PRKN: variants seen among roughly 807,000 people sequenced by gnomAD.
PRKN encodes parkin RBR E3 ubiquitin protein ligase.
In PRKN, 56 loss-of-function variants were observed where a neutral mutation model predicts 59.5. The observed-to-expected ratio is 0.94, with a 90% CI of 0.76 to 1.18. PRKN has a LOEUF of 1.18. Ranked by LOEUF, PRKN falls within the 50% of genes most tolerant of loss-of-function variation. PRKN has a pLI of 0.00. For missense variants in PRKN, 657 were observed against 596.4 expected (o/e 1.10, Z -1.06); for synonymous variants, 250 against 222.1 (o/e 1.13, Z -1.12).
chr6:161,379,799 A>C lies in PRKN; in HGVS notation c.1167+6995T>G, dbSNP rs1785889245. 6.6e-6 allele frequency among the ~76,000 whole-genome samples: 1 copy of C among 152,198 alleles called. No homozygotes were observed. Among genetic ancestry groups the C allele is most frequent in the Admixed American group, 6.5e-5 (1 of 15,278 alleles). The stretch of plus-strand genomic sequence containing the variant: ...GTTCAGCCTTCCTTCAAACTGCTTC[A>C]TGCGATTCCCCACAGCATCCTCCAG... On this transcript the variant is annotated intron_variant, in intron 10 of 11. Transcript: ENST00000366898. The surrounding 1 kb of genome is among the most constrained non-coding windows in gnomAD (Gnocchi z 4.9).
chr6:161,798,501 A>G (rs1473418302), intron 6 of PRKN, among the ~76,000 whole-genome samples: 1 of 152,184 alleles, frequency 6.6e-6, no homozygotes, highest in Admixed American at 6.5e-5. Flanking sequence ...ATATGATCAC[A>G]ACATTTCTTT....
intron 6 of PRKN, among the ~76,000 whole-genome samples, chr6:161,793,524 G>A (rs138313644): frequency 1.3e-5 from 2 of 151,230 alleles, no homozygotes; most frequent in East Asian, 1.9e-4. Context: ...ACAGTGGACC[G>A]GCCACTAGAT....
At chr6:161,524,124 C>T (rs1778935280) in intron 9 of PRKN, among the ~76,000 whole-genome samples, 1 of 151,946 alleles carries the variant, frequency 6.6e-6, no homozygotes, top group African/African-American at 2.4e-5. Flanking sequence ...AAAATAATAC[C>T]AGCTTTCTGT....
At chr6:162,614,994 C>T (rs908418240) in intron 1 of PRKN, among the ~76,000 whole-genome samples, 1 of 152,156 alleles carries the variant, frequency 6.6e-6, no homozygotes, top group Non-Finnish European at 1.5e-5. Flanking sequence ...CACCAATTAA[C>T]AGGTGATTGG....
At position 161,482,012 on chromosome 6, in the gene PRKN, G is replaced by C. The variant is rs567104594; in HGVS notation, c.1083+66842C>G. Among the ~76,000 whole-genome samples, 7 of 137,284 alleles carry C rather than the reference G, an allele frequency of 5.1e-5. No homozygotes were observed. The East Asian group carries it at 1.6e-3, about 31-fold the overall frequency. The allele number at this position is 137,284 out of a possible 152,430, so 90.1% of individuals were successfully genotyped here. A position where few individuals can be genotyped will look rare whatever the true frequency, so the allele number is the denominator to read the frequency against. On this transcript the variant is annotated intron_variant, in intron 9 of 11. Coordinates refer to ENST00000366898, the MANE Select transcript of PRKN (RefSeq NM_004562.3). The stretch of plus-strand genomic sequence containing the variant: ...TCCATAAATATGTTCATTTTGCGGG[G>C]GGTGGGGGAGACTGCAACAACATCA...
At chr6:162,504,969 C>T (rs1190019516) in intron 1 of PRKN, among the ~76,000 whole-genome samples, 1 of 152,152 alleles carries the variant, frequency 6.6e-6, no homozygotes, top group Non-Finnish European at 1.5e-5. Context: ...TCAGGGAACG[C>T]TGAGGAACAT....
At chr6:162,140,201 C>G (rs1781718096) in intron 4 of PRKN, among the ~76,000 whole-genome samples, 1 of 152,172 alleles carries the variant, frequency 6.6e-6, no homozygotes, top group African/African-American at 2.4e-5. Context: ...AATCCAACTT[C>G]CCTTTTAGTT....
intron 6 of PRKN, among the ~76,000 whole-genome samples, chr6:161,866,949 G>A (rs1794135327): frequency 6.6e-6 from 1 of 152,152 alleles, no homozygotes; most frequent in Non-Finnish European, 1.5e-5. Flanking sequence ...AATTTAAATA[G>A]AGTCCCACCT....
At chr6:162,632,437 A>G (rs1395031380) in intron 1 of PRKN, among the ~76,000 whole-genome samples, 2 of 152,216 alleles carry the variant, frequency 1.3e-5, no homozygotes, top group East Asian at 1.9e-4. Context: ...CGTTTCACTT[A>G]TAAGTGGGAA....
At chr6:161,668,238 A>G (rs1410623720) in intron 7 of PRKN, among the ~76,000 whole-genome samples, 1 of 151,596 alleles carries the variant, frequency 6.6e-6, no homozygotes, top group African/African-American at 2.4e-5. Flanking sequence ...ATTAAAAAAA[A>G]AAAGAAGAAA....
chr6:162,695,259 T>C (rs1221807337), intron 1 of PRKN, among the ~76,000 whole-genome samples: 1 of 152,120 alleles, frequency 6.6e-6, no homozygotes, highest in African/African-American at 2.4e-5. Flanking sequence ...AATTAGCACA[T>C]CAATATTTCT....
chr6:162,048,387 A>C (rs1777474535), intron 5 of PRKN, among the ~76,000 whole-genome samples: 1 of 151,854 alleles, frequency 6.6e-6, no homozygotes, highest in South Asian at 2.1e-4. Flanking sequence ...AGGTTCTTGC[A>C]GTTGGCTAAG....
chr6:161,456,061 G>GGC lies in PRKN; in HGVS notation c.1084-69186_1084-69185dup, dbSNP rs1323790999. Among the ~76,000 whole-genome samples, 1 of 152,056 alleles carries GGC rather than the reference G, an allele frequency of 6.6e-6. No homozygotes were observed. Among genetic ancestry groups the GGC allele is most frequent in the Non-Finnish European group, 1.5e-5 (1 of 68,020 alleles). On this transcript the variant is annotated intron_variant, in intron 9 of 11. Transcript: ENST00000366898. The surrounding 1 kb of genome is among the most constrained non-coding windows in gnomAD (Gnocchi z 4.8). The stretch of plus-strand genomic sequence containing the variant: ...ACGTTGGCCTCTAGGGGAAGCAAAG[G>GGC]GCTCCTGTGTTGTGATGGTTAATAT...
intron 7 of PRKN, among the ~76,000 whole-genome samples, chr6:161,647,992 C>T (rs1402285339): frequency 1.3e-5 from 2 of 152,142 alleles, no homozygotes; most frequent in South Asian, 2.1e-4. Flanking sequence ...TATAGCATTG[C>T]TATTTCATCT....
intron 6 of PRKN, among the ~76,000 whole-genome samples, chr6:161,816,666 T>G (rs921495250): frequency 4.6e-5 from 7 of 151,442 alleles, no homozygotes; most frequent in Admixed American, 4.6e-4. Context: ...AGTTGGAGGT[T>G]GCAGTGAGCC....
intron 6 of PRKN, among the ~76,000 whole-genome samples, chr6:161,911,554 A>G (rs1356353146): frequency 6.6e-6 from 1 of 152,164 alleles, no homozygotes; most frequent in Non-Finnish European, 1.5e-5. Flanking sequence ...ACCCTGGATA[A>G]TGTCTCTGTT....
intron 7 of PRKN, among the ~76,000 whole-genome samples, chr6:161,732,713 A>G (rs1255181005): frequency 6.6e-6 from 1 of 152,218 alleles, no homozygotes; most frequent in Admixed American, 6.5e-5. Flanking sequence ...ATGCTGCTGC[A>G]AAGGCCATGA....
At chr6:162,637,331 T>C (rs1198201852) in intron 1 of PRKN, among the ~76,000 whole-genome samples, 3 of 129,930 alleles carry the variant, frequency 2.3e-5, no homozygotes, top group East Asian at 2.4e-4. Context: ...CACCATCAGA[T>C]TGAGATTTCA....
At chr6:161,880,394 T>C (rs34050874) in intron 6 of PRKN, among the ~76,000 whole-genome samples, 22,505 of 152,256 alleles carry the variant, frequency 0.15, 1,835 homozygotes, top group African/African-American at 0.19. Context: ...CTGAGAGATA[T>C]GATCATATTT....
Sources: gnomAD v4.1 joint callset for allele counts (sites outside exome capture counted in the v4.1 genomes callset) on GRCh38, gnomAD v4.1.1 for gene constraint, Gnocchi (gnomAD v3.1) non-coding constraint, MANE v1.5 for transcripts, NCBI Gene and HGNC (gene_info 2026-07-23, HGNC 2026-07-21) for gene names.